Variants in AKR1C2 observed in about 807,000 individuals in gnomAD.
The protein encoded by AKR1C2 is aldo-keto reductase family 1 member C2.
Under a neutral mutation model 39.8 loss-of-function variants are expected in AKR1C2, and 27 were observed. That is an observed-to-expected ratio of 0.68 (90% CI 0.50 to 0.93). The LOEUF (loss-of-function observed/expected upper bound fraction) is 0.93, where lower values mean the gene tolerates loss of function less well. AKR1C2 is among the 40% of genes least tolerant of loss of function. AKR1C2 has a pLI of 0.00. For missense variants in AKR1C2, 263 were observed against 365.1 expected (o/e 0.72, Z 2.28); for synonymous variants, 114 against 137.9 (o/e 0.83, Z 1.22).
At chr10:5,000,752 T>C (rs1837242217) in intron 2 of AKR1C2, 86 bp from the exon 3 acceptor site, 6 of 1,272,404 alleles carry the variant, frequency 4.7e-6, no homozygotes, top group Non-Finnish European at 6.6e-6. Flanking sequence ...AGACATTTTC[T>C]ACTACTTCAA....
chr10:5,012,799 A>C (rs1218858744), intron 1 of AKR1C2, among the ~76,000 whole-genome samples: 2 of 152,144 alleles, frequency 1.3e-5, no homozygotes, highest in African/African-American at 2.4e-5. Context: ...AGCAATTCTC[A>C]TCTCTCTCCT....
Position 5,003,828 on chromosome 10 carries a change from G to A in AKR1C2, c.8C>T (p.Ser3Leu), listed in dbSNP as rs370211227. The A allele has an allele frequency of 8.5e-5, 137 of 1,614,072 alleles. No homozygotes were observed. Among genetic ancestry groups the A allele is most frequent in the Middle Eastern group, 6.6e-4 (4 of 6,062 alleles). The change falls in exon 1 of 9, where the codon TCG becomes TTG. Residue 3 changes from serine to leucine, a missense_variant. Coordinates refer to ENST00000380753, the MANE Select transcript of AKR1C2 (RefSeq NM_001393392.1). The part of the protein sequence containing the change: MD[S>L]KYQCVKLNDG... Reference sequence around the variant, plus strand: ...ATTCAGCTTCACACACTGGTATTTCGAATCCATTTCTGTCACTGGCCTGGT... The same window carrying A: ...ATTCAGCTTCACACACTGGTATTTCAAATCCATTTCTGTCACTGGCCTGGT...
In AKR1C2 at chr10:5,001,697, A is replaced by T. The variant is rs1259820402; in HGVS notation, c.85-16T>A. 1.4e-5 allele frequency: 22 copies of T among 1,613,106 alleles called. No homozygotes were observed. The highest frequency in any genetic ancestry group is 1.8e-5 in the Non-Finnish European group (21 of 1,179,554). On this transcript the variant is annotated splice_polypyrimidine_tract_variant and intron_variant, in intron 1 of 8. Transcript: ENST00000380753. ...TTTTAGGAACCTGGGGGAGCAACCA[A>T]ACGTAATATTTTCTGACTAATGTGC... is the stretch of plus-strand genomic sequence containing the variant.
Position 5,003,157 on chromosome 10 carries a change from C to A in AKR1C2, c.84+595G>T, listed in dbSNP as rs140292434. On this transcript the variant is annotated intron_variant, in intron 1 of 8. Transcript: ENST00000380753. ...TACAATATTTTGATACAAATCTGAC[C>A]CATATTAACAAAGACAAAGAATTTA... Among the ~76,000 whole-genome samples the A allele has an allele frequency of 1.8e-3, 278 of 150,788 alleles. 1 individual carries two copies. Among genetic ancestry groups the A allele is most frequent in the African/African-American group, 6.4e-3 (264 of 41,132 alleles).
chr10:5,013,810 A>G (rs57883879), intron 1 of AKR1C2, among the ~76,000 whole-genome samples: 2,990 of 152,318 alleles, frequency 0.02, 110 homozygotes, highest in African/African-American at 0.068. Flanking sequence ...TACATATATT[A>G]CAATTTTAAT....
rs1836776962 is a variant in AKR1C2 at position 4,990,010 on chromosome 10, A to G, written c.958T>C (p.Ser320Pro). ...TGCCCTCCATGTTAATATTCATCAG[A>G]AAATGGATAATTAGGGGGGCCAGCA... ...IFAGPPNYPF[S>P]DEY Residue 320 changes from serine to proline, a missense_variant, in exon 9 of 9, where the codon TCT (serine) becomes CCT (proline). Ser to Pro is a moderately conservative substitution (Grantham distance 74). Coordinates refer to ENST00000380753, the MANE Select transcript of AKR1C2 (RefSeq NM_001393392.1). 1.9e-6 allele frequency: 3 copies of G among 1,606,964 alleles called. No individual in the cohort carries two copies. The African/African-American group carries it at 4.0e-5, about 22-fold the overall frequency.
In AKR1C2 at chr10:4,995,409, TG is replaced by T. The variant is rs1554772812; in HGVS notation, c.755del (p.Pro252GlnfsTer3). On this transcript the variant is annotated frameshift_variant, in exon 7 of 9. Transcript: ENST00000380753. LOFTEE classifies it high-confidence loss of function. ...GCTGGTAGCGCAGGGCAATCAGGGC[TG>T]GGGTTCGCTTGTGCTTTTTTGCCAA... ...CALAKKHKRT[P>X]ALIALRYQLQ... 1.9e-6 allele frequency: 3 copies of T among 1,599,068 alleles called. No individual in the cohort carries two copies. The South Asian group carries it at 3.4e-5, about 18-fold the overall frequency.
chr10:5,011,835 G>A (rs1837529377), intron 1 of AKR1C2, among the ~76,000 whole-genome samples: 1 of 152,196 alleles, frequency 6.6e-6, no homozygotes, highest in South Asian at 2.1e-4. Context: ...AGTGAAAATC[G>A]AAGCGTAAGA....
chr10:5,011,304 G>A (rs1304962231), intron 1 of AKR1C2, among the ~76,000 whole-genome samples: 1 of 152,194 alleles, frequency 6.6e-6, no homozygotes, highest in African/African-American at 2.4e-5. Flanking sequence ...AGAAGGCTGG[G>A]AGGCTGGGAA....
At chr10:5,006,544 A>G (rs1303055670), upstream of AKR1C2, 6 of 152,256 alleles carry the variant, frequency 3.9e-5, no homozygotes, top group East Asian at 9.7e-4. Flanking sequence ...CAGAGGTTGC[A>G]GTGAGTTGGG....
intron 1 of AKR1C2, among the ~76,000 whole-genome samples, chr10:5,017,578 T>C (rs1436684370): frequency 6.6e-6 from 1 of 152,220 alleles, no homozygotes; most frequent in Non-Finnish European, 1.5e-5. Context: ...TCATTGTTCA[T>C]ATCCCTATCA....
rs143372415 is a variant in AKR1C2, at chr10:5,011,231, G to C, written c.-88+6669C>G. Among the ~76,000 whole-genome samples, 471 of 152,222 alleles carry C rather than the reference G, an allele frequency of 3.1e-3. 1 individual carries two copies. The highest frequency in any genetic ancestry group is 0.011 in the African/African-American group (453 of 41,516). ...CAGAGGTTTCCCAACTCCATGCCTA[G>C]GCACACCTACAGGCACTTGGTATCT... On this transcript the variant is annotated intron_variant, in intron 1 of 6. Transcript: ENST00000604507.
chr10:4,995,164 G>T (rs1240097391), intron 7 of AKR1C2, among the ~76,000 whole-genome samples, 155 bp downstream of exon 7: 1 of 123,696 alleles, frequency 8.1e-6, no homozygotes, highest in African/African-American at 3.2e-5. Flanking sequence ...TCCTGTGCTA[G>T]AGTAGAAGAA....
intron 1 of AKR1C2, among the ~76,000 whole-genome samples, chr10:5,017,339 G>A (rs545936810): frequency 8.5e-5 from 13 of 152,260 alleles, no homozygotes; most frequent in Non-Finnish European, 1.0e-4. Flanking sequence ...GGGCATGCAC[G>A]TGAGAATATG....
chr10:5,016,463 G>A (rs1282422266), intron 1 of AKR1C2, among the ~76,000 whole-genome samples: 8 of 152,140 alleles, frequency 5.3e-5, no homozygotes, highest in South Asian at 2.1e-4. Context: ...TCAAAGCTCC[G>A]AAATAATCTC....
chr10:4,993,330 T>G (rs1836905876), intron 7 of AKR1C2, among the ~76,000 whole-genome samples: 1 of 152,216 alleles, frequency 6.6e-6, no homozygotes, highest in Non-Finnish European at 1.5e-5. Flanking sequence ...AGAGGCCAGA[T>G]AATTGCTCAT....
intron 1 of AKR1C2, among the ~76,000 whole-genome samples, chr10:5,002,036 A>T (rs1485670391): frequency 5.9e-5 from 9 of 152,188 alleles, no homozygotes; most frequent in African/African-American, 1.9e-4. Context: ...GGAAATAGCC[A>T]CATGGAAGGA....
intron 1 of AKR1C2, chr10:5,015,101 G>C (rs1438557764): frequency 2.0e-5 from 3 of 152,192 alleles, no homozygotes; most frequent in Non-Finnish European, 4.4e-5. Flanking sequence ...GTGTCCTTCA[G>C]ATCTGGTCGC....
intron 8 of AKR1C2, among the ~76,000 whole-genome samples, chr10:4,990,381 A>G (rs1455878241): frequency 2.0e-5 from 3 of 152,218 alleles, no homozygotes; most frequent in African/African-American, 4.8e-5. Flanking sequence ...CACTAAAAAC[A>G]GGAACTCCTT....
Sources: gnomAD v4.1 joint callset for allele counts (sites outside exome capture counted in the v4.1 genomes callset) on GRCh38, gnomAD v4.1.1 for gene constraint, MANE v1.5 for transcripts, NCBI Gene and HGNC (gene_info 2026-07-23, HGNC 2026-07-21) for gene names.